Variants in LRRIQ3 observed in about 807,000 individuals in gnomAD.
The protein encoded by LRRIQ3 is leucine-rich repeat and IQ domain-containing protein 3.
LRRIQ3 carries 75 observed loss-of-function variants against 59.3 expected under a neutral mutation model. The ratio of observed to expected loss-of-function variants is 1.26; its 90% confidence interval spans 1.05 to 1.53. The LOEUF (loss-of-function observed/expected upper bound fraction) is 1.53, where lower values mean the gene tolerates loss of function less well. Ranked by LOEUF, LRRIQ3 falls within the 40% of genes most tolerant of loss-of-function variation. LRRIQ3 has a pLI of 0.00. For synonymous variants in LRRIQ3, 250 were observed against 231.3 expected (o/e 1.08, Z -0.73); for missense variants, 831 against 710.0 (o/e 1.17, Z -1.94).
chr1:74,180,374 C>T (rs17591292), intron 3 of LRRIQ3: 18,550 of 199,176 alleles, frequency 0.093, 939 homozygotes, highest in Middle Eastern at 0.12. Context: ...TTAACTATGA[C>T]CCCAAGCAAA....
intron 7 of LRRIQ3, among the ~76,000 whole-genome samples, chr1:74,038,922 C>A (rs1260204572): frequency 6.6e-6 from 1 of 152,098 alleles, no homozygotes; most frequent in African/African-American, 2.4e-5. Flanking sequence ...TCCTCTCCTC[C>A]AAATGATCAT....
At chr1:74,056,323 G>C (rs1039284777) in intron 6 of LRRIQ3, among the ~76,000 whole-genome samples, 1 of 151,980 alleles carries the variant, frequency 6.6e-6, no homozygotes, top group African/African-American at 2.4e-5. Flanking sequence ...AGATAAGGAT[G>C]CCCACTCTCA....
In LRRIQ3 at chr1:74,183,443, C is replaced by T. The variant is rs770907166; in HGVS notation, c.242G>A (p.Gly81Glu). The change falls in exon 2 of 8, where the codon GGA becomes GAA. Residue 81 changes from glycine (G) to glutamate (E), a missense_variant. Gly to Glu is a moderately conservative substitution (Grantham distance 98, BLOSUM62 -2). Coordinates refer to ENST00000354431, the MANE Select transcript of LRRIQ3 (RefSeq NM_001105659.2). ...GAAATGGCTATTGCTTACCTGATTT[C>T]CATGGAGATCAAGTTTGATTAATTT... ...CIKLIKLDLH[G>E]NQIKSLPNTK... 6.4e-7 allele frequency: 1 copy of T among 1,571,906 alleles called. No individual in the cohort carries two copies. The highest frequency in any genetic ancestry group is 1.4e-5 in the African/African-American group (1 of 72,852).
chr1:74,033,505 T>C (rs977878087), intron 7 of LRRIQ3, among the ~76,000 whole-genome samples: 2 of 152,004 alleles, frequency 1.3e-5, no homozygotes, highest in African/African-American at 4.8e-5. Context: ...TAGATTTTAG[T>C]TATAAATAAA....
At chr1:74,178,807 TA>T (rs1262264382) in intron 3 of LRRIQ3, among the ~76,000 whole-genome samples, 1 of 152,158 alleles carries the variant, frequency 6.6e-6, no homozygotes, top group Non-Finnish European at 1.5e-5. Flanking sequence ...CAGGAGCTAT[TA>T]TTTCCTAATA....
intron 3 of LRRIQ3, among the ~76,000 whole-genome samples, chr1:74,164,564 A>G (rs1648859271): frequency 6.6e-6 from 1 of 151,582 alleles, no homozygotes; most frequent in South Asian, 2.1e-4. Flanking sequence ...CAGCCCTAGC[A>G]AACAAATACA....
intron 6 of LRRIQ3, among the ~76,000 whole-genome samples, chr1:74,049,647 T>A (rs1456645178): frequency 6.6e-6 from 1 of 152,136 alleles, no homozygotes; most frequent in Non-Finnish European, 1.5e-5. Flanking sequence ...AAAAGCAGAT[T>A]TGGTGAGCTA....
chr1:74,093,791 C>T (rs1646418648), intron 5 of LRRIQ3, among the ~76,000 whole-genome samples: 1 of 152,022 alleles, frequency 6.6e-6, no homozygotes, highest in African/African-American at 2.4e-5. Context: ...AAATCCATTG[C>T]CAACTGTCTT....
intron 5 of LRRIQ3, among the ~76,000 whole-genome samples, chr1:74,099,522 T>C (rs947455118): frequency 6.6e-5 from 10 of 152,036 alleles, no homozygotes; most frequent in East Asian, 5.8e-4. Flanking sequence ...TTCCAATCAA[T>C]AGAAGAAGAG....
At chr1:74,031,608 G>A (rs984791858) in intron 7 of LRRIQ3, among the ~76,000 whole-genome samples, 2 of 135,812 alleles carry the variant, frequency 1.5e-5, no homozygotes, top group African/African-American at 5.5e-5. Context: ...ACTGGGGCCT[G>A]TTGTGGGGTG....
chr1:74,057,148 C>T lies in LRRIQ3; in HGVS notation c.998-15215G>A, dbSNP rs187757982. Among the ~76,000 whole-genome samples the T allele has an allele frequency of 2.2e-4, 34 of 152,228 alleles. No individual in the cohort carries two copies. The East Asian group carries it at 6.2e-3, about 28-fold the overall frequency. On this transcript the variant is annotated intron_variant, in intron 6 of 7. Transcript: ENST00000354431. Reference sequence around the variant, plus strand: ...AGTGTGAGAATGGTCTAATATACTACCCAAAGTGGTCTACAGATTCATTGC... The same window carrying T: ...AGTGTGAGAATGGTCTAATATACTATCCAAAGTGGTCTACAGATTCATTGC...
At chr1:74,079,636 A>AATTTT (rs1553164596) in intron 5 of LRRIQ3, among the ~76,000 whole-genome samples, 32 of 151,866 alleles carry the variant, frequency 2.1e-4, no homozygotes, top group African/African-American at 7.7e-4. Flanking sequence ...AAGGGCAAGG[A>AATTTT]CTTTTCTTTT....
chr1:74,174,889 A>G (rs891729853), intron 3 of LRRIQ3, among the ~76,000 whole-genome samples: 1 of 151,994 alleles, frequency 6.6e-6, no homozygotes, highest in African/African-American at 2.4e-5. Flanking sequence ...CCATTTCTTT[A>G]GGTTTGGTTG....
intron 5 of LRRIQ3, among the ~76,000 whole-genome samples, chr1:74,081,347 A>G (rs1480456172): frequency 6.6e-6 from 1 of 151,624 alleles, no homozygotes; most frequent in East Asian, 1.9e-4. Flanking sequence ...TAGAAAGCTT[A>G]TGTTCCCTCA....
intron 4 of LRRIQ3, chr1:74,138,602 T>C (rs1041312282): frequency 2.1e-5 from 10 of 472,000 alleles, no homozygotes; most frequent in Admixed American, 1.3e-4. Context: ...TCCTCTCTTA[T>C]GGCTGCTTTC....
chr1:74,175,742 T>C (rs988564790), intron 3 of LRRIQ3, among the ~76,000 whole-genome samples: 5 of 152,156 alleles, frequency 3.3e-5, no homozygotes, highest in African/African-American at 7.2e-5. Context: ...TATTCTTCCA[T>C]CTTGCTGACA....
At chr1:74,075,728 T>TC (rs1322103263) in intron 5 of LRRIQ3, among the ~76,000 whole-genome samples, 3 of 152,172 alleles carry the variant, frequency 2.0e-5, no homozygotes, top group African/African-American at 7.2e-5. Flanking sequence ...GTTTTCCTCT[T>TC]CACAGTTCAT....
At chr1:74,128,407 T>C (rs995454976) in intron 4 of LRRIQ3, among the ~76,000 whole-genome samples, 2 of 152,274 alleles carry the variant, frequency 1.3e-5, no homozygotes, top group Admixed American at 6.5e-5. Flanking sequence ...AGTATCTCAA[T>C]TGCATTTTTC....
At chr1:74,044,749 A>G (rs936331308) in intron 6 of LRRIQ3, among the ~76,000 whole-genome samples, 2 of 152,178 alleles carry the variant, frequency 1.3e-5, no homozygotes, top group East Asian at 1.9e-4. Flanking sequence ...GGAGAATCAA[A>G]TAGATGCAAT....
Sources: allele counts gnomAD v4.1 joint callset (sites outside exome capture counted in the v4.1 genomes callset), GRCh38; gene constraint gnomAD v4.1.1; transcripts MANE v1.5; gene names NCBI Gene and HGNC (gene_info 2026-07-23, HGNC 2026-07-21).